TYRO3: variants seen among roughly 807,000 people sequenced by gnomAD.
The protein encoded by TYRO3 is TYRO3 protein tyrosine kinase, also known as tyrosine-protein kinase receptor TYRO3.
TYRO3 carries 38 observed loss-of-function variants against 95.2 expected under a neutral mutation model. The ratio of observed to expected loss-of-function variants is 0.40; its 90% CI spans 0.31 to 0.52. The LOEUF (loss-of-function observed/expected upper bound fraction) is 0.52. Among genes scored for constraint, TYRO3 ranks in the 20% least tolerant of loss-of-function variants. The pLI is 0.56. For synonymous variants in TYRO3, 367 were observed against 432.9 expected (o/e 0.85, Z 1.89); for missense variants, 812 against 1,116.4 (o/e 0.73, Z 3.89).
In TYRO3 at chr15:41,569,042, AG is replaced by A; in HGVS notation, c.1252+24del. Reference sequence around the variant, plus strand: ...GTGCAGGTGAGGCTTGTAGGTGGAGAGGGGCAGAGGCTCAGGGGATCAAGGT... The same window carrying A: ...GTGCAGGTGAGGCTTGTAGGTGGAGAGGGCAGAGGCTCAGGGGATCAAGGT... On this transcript the variant is annotated intron_variant, in intron 9 of 18. Coordinates refer to ENST00000263798, the MANE Select transcript of TYRO3 (RefSeq NM_006293.4). 1.9e-6 allele frequency: 3 copies of A among 1,605,672 alleles called. No homozygotes were observed. The highest frequency in any genetic ancestry group is 2.6e-6 in the Non-Finnish European group (3 of 1,175,580).
In TYRO3 at chr15:41,582,817, A is replaced by G. The variant is rs1238697963; in HGVS notation, c.*4541A>G. Reference sequence around the variant, plus strand: ...TACTTTTTATTGTCCCAATACCACCATTTATTGAACAATCTATATTTTATG... The same window carrying G: ...TACTTTTTATTGTCCCAATACCACCGTTTATTGAACAATCTATATTTTATG... On this transcript the variant is annotated 3_prime_UTR_variant, in exon 19 of 19. Coordinates refer to ENST00000263798, the MANE Select transcript of TYRO3 (RefSeq NM_006293.4). 1 of 151,618 alleles carries G rather than the reference A, an allele frequency of 6.6e-6. No homozygotes were observed. The highest frequency in any genetic ancestry group is 1.5e-5 in the Non-Finnish European group (1 of 67,886). The allele number at this position is 151,618 out of a possible 1,614,324, so 9.4% of individuals were successfully genotyped here.
chr15:41,573,277 G>A, intron 16 of TYRO3, 31 bp from the exon 17 acceptor site: 2 of 1,441,100 alleles, frequency 1.4e-6, no homozygotes, highest in South Asian at 1.2e-5. Flanking sequence ...CATGGCAGAA[G>A]GCTGACTCTC....
intron 6 of TYRO3, among the ~76,000 whole-genome samples, chr15:41,566,700 A>C (rs1055301405): frequency 6.6e-6 from 1 of 152,248 alleles, no homozygotes; most frequent in African/African-American, 2.4e-5. Context: ...GCTTCAGGCC[A>C]GCTCTTCCAG....
intron 3 of TYRO3, chr15:41,561,878 T>C: frequency 2.5e-6 from 1 of 394,756 alleles, no homozygotes; most frequent in Non-Finnish European, 4.6e-6. Context: ...CTGTTTCCGT[T>C]GCTTGAGCAA....
rs865920778 is a variant in TYRO3 at position 41,573,367 on chromosome 15, G to A, written c.2045G>A (p.Ser682Asn). ...ADFGLSRKIYSGDYYRQGCAS... is the reference protein window; with the variant it reads ...ADFGLSRKIYNGDYYRQGCAS... ...TTCGGACTCTCCCGGAAGATCTACA[G>A]TGGGGACTACTATCGTCAAGGCTGT... The change falls in exon 17 of 19, where the codon AGT becomes AAT. Residue 682 changes from serine to asparagine, a missense_variant. By Grantham distance (46) the Ser-to-Asn change is conservative (BLOSUM62 1). Transcript: ENST00000263798. 8 of 1,614,242 alleles carry A rather than the reference G, an allele frequency of 5.0e-6. No homozygotes were observed. The Middle Eastern group carries it at 8.2e-4, about 166-fold the overall frequency.
chr15:41,580,020 G>A lies in TYRO3; in HGVS notation c.*1744G>A, dbSNP rs1016957041. On this transcript the variant is annotated 3_prime_UTR_variant, in exon 19 of 19. Transcript: ENST00000263798. ...GATCCGCCTGCCTCAGCCTCCCAAA[G>A]TGTTGGGATTACAGGCGTGAGCCAC... The A allele has an allele frequency of 6.6e-6, 1 of 152,120 alleles. No homozygotes were observed. Among genetic ancestry groups the A allele is most frequent in the Admixed American group, 6.6e-5 (1 of 15,266 alleles). 9.4% of individuals were successfully genotyped at this position (152,120 alleles called of 1,614,324 possible). A position where few individuals can be genotyped will look rare whatever the true frequency, so the allele number is the denominator to read the frequency against.
intron 8 of TYRO3, 75 bp from the exon 9 acceptor site, chr15:41,568,803 T>C (rs1309111485): frequency 7.8e-6 from 12 of 1,539,592 alleles, no homozygotes; most frequent in African/African-American, 1.4e-5. Flanking sequence ...AGCTGGACCT[T>C]TTTCTGTCCT....
Position 41,562,795 on chromosome 15 carries a change from C to T in TYRO3, c.580+77C>T, listed in dbSNP as rs1026950655. The T allele has an allele frequency of 1.7e-4, 245 of 1,453,494 alleles. 1 individual carries two copies. In the African/African-American group the frequency reaches 3.3e-3, roughly 19 times the overall value. 90.0% of individuals were successfully genotyped at this position (1,453,494 alleles called of 1,614,324 possible). A position where few individuals can be genotyped will look rare whatever the true frequency, so the allele number is the denominator to read the frequency against. ...GGGCACTGAAGCTGGCAGTTTCAGC[C>T]ACTGAGCTTGCGGTTGTGAGCGTCC... On this transcript the variant is annotated intron_variant, in intron 4 of 18. Coordinates refer to ENST00000263798, the MANE Select transcript of TYRO3 (RefSeq NM_006293.4).
At chr15:41,566,678 G>A (rs569684271) in intron 6 of TYRO3, among the ~76,000 whole-genome samples, 3 of 152,200 alleles carry the variant, frequency 2.0e-5, no homozygotes, top group Non-Finnish European at 4.4e-5. Context: ...GCCCCTCATG[G>A]TGCAGACCTT....
At chr15:41,574,672 C>T (rs1355022851) in intron 18 of TYRO3, 2 of 455,894 alleles carry the variant, frequency 4.4e-6, no homozygotes, top group Non-Finnish European at 4.4e-6. Flanking sequence ...ACTCCCACTC[C>T]ATCCAAGCCA....
intron 14 of TYRO3, among the ~76,000 whole-genome samples, chr15:41,572,004 A>AC (rs988433986): frequency 4.6e-5 from 7 of 151,638 alleles, no homozygotes; most frequent in Non-Finnish European, 7.4e-5. Context: ...TTTAAAAAAA[A>AC]AAAACAAAAC....
chr15:41,573,047 T>C lies in TYRO3; in HGVS notation c.1921T>C (p.Cys641Arg), dbSNP rs1300887761. Residue 641 changes from cysteine (C) to arginine (R), a missense_variant, in exon 16 of 19, where the codon TGC becomes CGC. Coordinates refer to ENST00000263798, the MANE Select transcript of TYRO3 (RefSeq NM_006293.4). ...GATCCGGTTCATGGTGGACATTGCCTGCGGCATGGAGTACCTGAGCTCTCG... is the reference window on the plus strand; with the variant it reads ...GATCCGGTTCATGGTGGACATTGCCCGCGGCATGGAGTACCTGAGCTCTCG... ...TLIRFMVDIA[C>R]GMEYLSSRNF... The C allele has an allele frequency of 1.9e-6, 3 of 1,614,150 alleles. No homozygotes were observed. Among genetic ancestry groups the C allele is most frequent in the African/African-American group, 1.3e-5 (1 of 75,034 alleles).
At chr15:41,560,147 C>T (rs1303493444) in intron 1 of TYRO3, among the ~76,000 whole-genome samples, 1 of 152,168 alleles carries the variant, frequency 6.6e-6, no homozygotes, top group Non-Finnish European at 1.5e-5. Context: ...AGCGGCCACC[C>T]GCTGGCATCT....
chr15:41,567,580 C>T (rs376711993), intron 7 of TYRO3, 43 bp downstream of exon 7: 22 of 1,402,580 alleles, frequency 1.6e-5, no homozygotes, highest in Admixed American at 2.7e-5. Flanking sequence ...GGGCTGGAGC[C>T]GGGAAGGGGG....
In TYRO3 at chr15:41,578,078, T is replaced by C. The variant is rs1566905243; in HGVS notation, c.2475T>C (p.Asp825=). The C allele has an allele frequency of 1.2e-6, 2 of 1,614,038 alleles. No homozygotes were observed. The highest frequency in any genetic ancestry group is 2.2e-5 in the South Asian group (2 of 91,068). ...AGGSLELPGR[D]QPYSGAGDGS... is the part of the protein sequence containing the mutation. ...GCAGCCTGGAGCTACCTGGCAGGGA[T>C]CAGCCCTACAGTGGGGCTGGGGATG... Residue 825 remains aspartate, a synonymous_variant, in exon 19 of 19, where the codon GAT becomes GAC. Coordinates refer to ENST00000263798, the MANE Select transcript of TYRO3 (RefSeq NM_006293.4).
rs762122795 is a variant in TYRO3, at chr15:41,573,032, A to G, written c.1906A>G (p.Met636Val). 9.3e-6 allele frequency: 15 copies of G among 1,614,172 alleles called. No individual in the cohort carries two copies. Among genetic ancestry groups the G allele is most frequent in the Non-Finnish European group, 1.3e-5 (15 of 1,180,034 alleles). ...NLPLQTLIRF[M>V]VDIACGMEYL... ...ACCCCTCCAGACCCTGATCCGGTTC[A>G]TGGTGGACATTGCCTGCGGCATGGA... is the stretch of plus-strand genomic sequence containing the variant. The change falls in exon 16 of 19, where the codon ATG becomes GTG. Residue 636 changes from methionine to valine, a missense_variant. Met to Val is a conservative substitution (Grantham distance 21, BLOSUM62 1). Coordinates refer to ENST00000263798, the MANE Select transcript of TYRO3 (RefSeq NM_006293.4).
chr15:41,568,966 CAG>C lies in TYRO3; in HGVS notation c.1197_1198del (p.Val400TrpfsTer15), dbSNP rs746410897. Reference sequence around the variant, plus strand: ...ATCGTACGTGTGTGCGTCTCCAATGCAGTTGGCTGTGGACCCTGGAGTCAGCC... The same window carrying C: ...ATCGTACGTGTGTGCGTCTCCAATGCTTGGCTGTGGACCCTGGAGTCAGCC... On this transcript the variant is annotated frameshift_variant, in exon 9 of 19. Coordinates refer to ENST00000263798, the MANE Select transcript of TYRO3 (RefSeq NM_006293.4). LOFTEE classifies it high-confidence loss of function. 1.2e-6 allele frequency: 2 copies of C among 1,614,116 alleles called. No homozygotes were observed. The highest frequency in any genetic ancestry group is 1.7e-6 in the Non-Finnish European group (2 of 1,180,034).
Position 41,570,252 on chromosome 15 carries a change from C to T in TYRO3, c.1395C>T (p.Asp465=), listed in dbSNP as rs762124739. 2 of 1,614,028 alleles carry T rather than the reference C, an allele frequency of 1.2e-6. No homozygotes were observed. The change falls in exon 11 of 19, where the codon GAC becomes GAT. Residue 465 remains aspartate (D), a synonymous_variant. Transcript: ENST00000263798. ...GGTTTTCCTTTAGGCAAGCCTTTGA[C>T]AGTGTCATGGCCCGGGGAGAGCCAG... is the stretch of plus-strand genomic sequence containing the variant. The part of the protein sequence containing the change: ...RKETRFGQAF[D]SVMARGEPAV...
chr15:41,578,662 C>G lies in TYRO3; in HGVS notation c.*386C>G. The G allele has an allele frequency of 3.6e-6, 1 of 277,954 alleles. No individual in the cohort carries two copies. Among genetic ancestry groups the G allele is most frequent in the Non-Finnish European group, 6.7e-6 (1 of 149,752 alleles). 17.2% of individuals were successfully genotyped at this position (277,954 alleles called of 1,614,324 possible). A position where few individuals can be genotyped will look rare whatever the true frequency, so the allele number is the denominator to read the frequency against. On this transcript the variant is annotated 3_prime_UTR_variant, in exon 19 of 19. Transcript: ENST00000263798. ...GCTGCCCCTGCTGCTTAAGTGCATG[C>G]ATTGAGCTGCCTCCAGCCTGGTGGC...
Sources: allele counts gnomAD v4.1 joint callset (sites outside exome capture counted in the v4.1 genomes callset), GRCh38; gene constraint gnomAD v4.1.1; transcripts MANE v1.5; gene names NCBI Gene and HGNC (gene_info 2026-07-23, HGNC 2026-07-21).